DOCK2: variants seen among roughly 807,000 people sequenced by gnomAD.
DOCK2 encodes the protein dedicator of cytokinesis 2, also known as dedicator of cytokinesis protein 2.
In DOCK2, 87 loss-of-function variants were observed where a neutral mutation model predicts 248.9. That is an observed-to-expected ratio of 0.35 (90% CI 0.29 to 0.42). DOCK2 has a LOEUF of 0.42. DOCK2 is among the 10% of genes least tolerant of loss of function. The pLI, the probability that DOCK2 is intolerant of heterozygous loss-of-function variation, is 1.00. For missense variants in DOCK2, 1,747 were observed against 2,300.2 expected (o/e 0.76, Z 4.92); for synonymous variants, 805 against 821.6 (o/e 0.98, Z 0.35).
At chr5:169,736,743 C>T (rs1763061638) in intron 22 of DOCK2, among the ~76,000 whole-genome samples, 1 of 152,214 alleles carries the variant, frequency 6.6e-6, no homozygotes, top group Admixed American at 6.5e-5. Context: ...TCCTTACATT[C>T]AGCAACAATG....
chr5:169,777,761 A>G (rs557387943), intron 25 of DOCK2, among the ~76,000 whole-genome samples: 12 of 152,352 alleles, frequency 7.9e-5, no homozygotes, highest in African/African-American at 2.9e-4. Context: ...TGAGAGGCAT[A>G]GAGAGGCCTG....
At chr5:169,933,491 A>C (rs1350907002) in intron 27 of DOCK2, among the ~76,000 whole-genome samples, 1 of 152,226 alleles carries the variant, frequency 6.6e-6, no homozygotes, top group Non-Finnish European at 1.5e-5. Flanking sequence ...AGTCTGCATA[A>C]ATAAATTCAG....
At chr5:169,804,482 G>A (rs1767206529) in intron 26 of DOCK2, among the ~76,000 whole-genome samples, 1 of 74,076 alleles carries the variant, frequency 1.3e-5, no homozygotes, top group African/African-American at 3.2e-5. Context: ...GTGTGTGTGT[G>A]TGTGCGCGCG....
chr5:169,745,786 C>T (rs576544876), intron 22 of DOCK2, among the ~76,000 whole-genome samples: 21 of 152,266 alleles, frequency 1.4e-4, no homozygotes, highest in African/African-American at 5.1e-4. Context: ...AAAGTGCCTG[C>T]CGGGCAGTGG....
At chr5:169,953,210 G>A (rs748182945) in intron 27 of DOCK2, among the ~76,000 whole-genome samples, 5 of 151,934 alleles carry the variant, frequency 3.3e-5, no homozygotes, top group Admixed American at 6.6e-5. Flanking sequence ...GTGGGTGCCT[G>A]TAATCCCAGC....
chr5:169,638,611 G>C (rs1756978185), intron 1 of DOCK2, among the ~76,000 whole-genome samples: 1 of 152,206 alleles, frequency 6.6e-6, no homozygotes. Flanking sequence ...GGCTCAATAA[G>C]AGTTAGTGAT....
In DOCK2 at chr5:169,714,201, C is replaced by T. The variant is rs571562418; in HGVS notation, c.1833C>T (p.Leu611=). The part of the protein sequence containing the change: ...SISTLVCSTK[L]TQNVGLLGLL... ...CCACCCTGGTGTGCTCCACAAAGCTCACTCAGAATGGTAATCGGGTCATCA... is the reference window on the plus strand; with the variant it reads ...CCACCCTGGTGTGCTCCACAAAGCTTACTCAGAATGGTAATCGGGTCATCA... The change falls in exon 18 of 52, where the codon CTC becomes CTT. Residue 611 remains leucine (L), a synonymous_variant. Transcript: ENST00000520908. 1 of 1,608,566 alleles carries T rather than the reference C, an allele frequency of 6.2e-7. No individual in the cohort carries two copies. The highest frequency in any genetic ancestry group is 8.5e-7 in the Non-Finnish European group (1 of 1,176,284).
At chr5:169,836,156 T>A (rs994777813) in intron 26 of DOCK2, among the ~76,000 whole-genome samples, 2 of 152,256 alleles carry the variant, frequency 1.3e-5, no homozygotes, top group African/African-American at 4.8e-5. Context: ...GTAGCATCAT[T>A]TGTGTAAAAG....
chr5:170,034,661 C>T, intron 35 of DOCK2, 106 bp downstream of exon 35: 1 of 1,438,638 alleles, frequency 7.0e-7, no homozygotes, highest in African/African-American at 1.4e-5. Context: ...TGCTTAAGGG[C>T]TTTGGAAAGC....
chr5:169,647,617 T>C (rs1757540150), intron 1 of DOCK2, among the ~76,000 whole-genome samples: 1 of 152,076 alleles, frequency 6.6e-6, no homozygotes. Flanking sequence ...TCCCTGGGAC[T>C]CCATTAAGAT....
At chr5:170,018,930 T>G in intron 32 of DOCK2, 30 bp from the exon 33 acceptor site, 1 of 1,611,606 alleles carries the variant, frequency 6.2e-7, no homozygotes, top group Non-Finnish European at 8.5e-7. Context: ...CCGAACTGTT[T>G]TATGTGTTCA....
intron 6 of DOCK2, among the ~76,000 whole-genome samples, chr5:169,677,193 T>A (rs1197425636): frequency 6.6e-6 from 1 of 152,178 alleles, no homozygotes; most frequent in Non-Finnish European, 1.5e-5. Context: ...GGCAACTCCC[T>A]AAATTCCTAC....
intron 27 of DOCK2, among the ~76,000 whole-genome samples, chr5:169,889,351 A>G (rs2113532423): frequency 6.6e-6 from 1 of 152,172 alleles, no homozygotes; most frequent in East Asian, 1.9e-4. Flanking sequence ...GTTAAACTTT[A>G]TTTAGATTCT....
At chr5:169,743,165 G>A (rs1286399897) in intron 22 of DOCK2, among the ~76,000 whole-genome samples, 1 of 152,198 alleles carries the variant, frequency 6.6e-6, no homozygotes, top group Non-Finnish European at 1.5e-5. Context: ...GCTTTTCAAG[G>A]GGGGGTCCCA....
intron 23 of DOCK2, among the ~76,000 whole-genome samples, chr5:169,757,788 G>A (rs4867573): frequency 1.3e-5 from 2 of 152,120 alleles, no homozygotes; most frequent in Non-Finnish European, 2.9e-5. Flanking sequence ...ATGCAATTTA[G>A]TAAATATAGA....
chr5:169,978,302 G>C (rs1222550513), intron 27 of DOCK2, among the ~76,000 whole-genome samples: 2 of 134,036 alleles, frequency 1.5e-5, no homozygotes, highest in Non-Finnish European at 3.1e-5. Flanking sequence ...TTGTTTGTTT[G>C]TTTCCCAAGG....
At chr5:169,961,089 C>T (rs1777069028) in intron 27 of DOCK2, among the ~76,000 whole-genome samples, 1 of 152,192 alleles carries the variant, frequency 6.6e-6, no homozygotes, top group Non-Finnish European at 1.5e-5. Flanking sequence ...GGTAGTGAGA[C>T]ACTGTTTAGG....
chr5:169,748,690 G>A (rs1449977751), intron 23 of DOCK2, among the ~76,000 whole-genome samples: 1 of 152,020 alleles, frequency 6.6e-6, no homozygotes, highest in East Asian at 1.9e-4. Context: ...ACACTATTTG[G>A]TCTTATGTAA....
chr5:169,924,077 C>T (rs553671370), intron 27 of DOCK2, among the ~76,000 whole-genome samples: 1 of 152,326 alleles, frequency 6.6e-6, no homozygotes, highest in African/African-American at 2.4e-5. Context: ...CTGCCACCCT[C>T]TTCCTCCCTG....
Sources: allele counts gnomAD v4.1 joint callset (sites outside exome capture counted in the v4.1 genomes callset), GRCh38; gene constraint gnomAD v4.1.1; transcripts MANE v1.5; gene names NCBI Gene and HGNC (gene_info 2026-07-23, HGNC 2026-07-21).